PPP4R3A: variants seen among roughly 807,000 people sequenced by gnomAD.
The protein encoded by PPP4R3A is serine/threonine-protein phosphatase 4 regulatory subunit 3A.
Under a neutral mutation model 91.7 loss-of-function variants are expected in PPP4R3A, and 15 were observed. The observed-to-expected ratio is 0.16, with a 90% CI of 0.11 to 0.25. The LOEUF is 0.25. Among genes scored for constraint, PPP4R3A ranks in the 10% least tolerant of loss-of-function variants. The pLI, the probability that PPP4R3A is intolerant of heterozygous loss-of-function variation, is 1.00. For synonymous variants in PPP4R3A, 377 were observed against 348.7 expected (o/e 1.08, Z -0.91); for missense variants, 623 against 998.4 (o/e 0.62, Z 5.07).
intron 1 of PPP4R3A, among the ~76,000 whole-genome samples, chr14:91,505,279 C>T (rs1029877216): frequency 3.3e-5 from 5 of 152,040 alleles, no homozygotes; most frequent in African/African-American, 7.2e-5. Flanking sequence ...ATGGTGAAAC[C>T]GTGTCCCTAC....
At position 91,493,360 on chromosome 14, in the gene PPP4R3A, T is replaced by C. The variant is rs183984516; in HGVS notation, c.143-2558A>G. Among the ~76,000 whole-genome samples the C allele has an allele frequency of 1.1e-4, 16 of 148,922 alleles. 1 individual carries two copies. The highest frequency in any genetic ancestry group is 4.6e-4 in the Admixed American group (7 of 15,064). The stretch of plus-strand genomic sequence containing the variant: ...GAAAAAATAAATTAGCTGGATGAGG[T>C]AGGGCATGCCTATAATTCTAGCTAC... On this transcript the variant is annotated intron_variant, in intron 1 of 14. Transcript: ENST00000554943.
Position 91,470,976 on chromosome 14 carries a change from T to C in PPP4R3A, c.1521A>G (p.Gln507=), listed in dbSNP as rs1457624296. The C allele has an allele frequency of 1.3e-6, 2 of 1,595,622 alleles. No individual in the cohort carries two copies. The highest frequency in any genetic ancestry group is 1.7e-6 in the Non-Finnish European group (2 of 1,175,762). The change falls in exon 10 of 15, where the codon CAA becomes CAG. Residue 507 remains glutamine (Q), a synonymous_variant. Transcript: ENST00000554943. ...ACAATTCCAATACAAGTGCCAATAG[T>C]TGGGCAGTCTGAAAATCATCTAAAA... ...KPSKDDFQTA[Q]LLALVLELLT...
In PPP4R3A at chr14:91,476,506, A is replaced by G. The variant is rs746918216; in HGVS notation, c.1012T>C (p.Phe338Leu). ...RQELVNFLKE[F>L]CAFSQTLQPQ... Reference sequence around the variant, plus strand: ...TGTAGCGTTTGGGAAAACGCACAAAATTCTTTTAAAAAGTTAACCTGAAAT... The same window carrying G: ...TGTAGCGTTTGGGAAAACGCACAAAGTTCTTTTAAAAAGTTAACCTGAAAT... The change falls in exon 6 of 15, where the codon TTT becomes CTT. Residue 338 changes from phenylalanine (F) to leucine (L), a missense_variant. Transcript: ENST00000554943. 6.9e-6 allele frequency: 11 copies of G among 1,593,332 alleles called. No homozygotes were observed. The highest frequency in any genetic ancestry group is 8.5e-6 in the Non-Finnish European group (10 of 1,173,896).
chr14:91,497,749 G>C (rs1256622848), intron 1 of PPP4R3A, among the ~76,000 whole-genome samples: 1 of 152,090 alleles, frequency 6.6e-6, no homozygotes, highest in Non-Finnish European at 1.5e-5. Flanking sequence ...TATTCTTCTA[G>C]GAAATTACCC....
intron 1 of PPP4R3A, among the ~76,000 whole-genome samples, chr14:91,499,020 C>G (rs1309317257): frequency 1.3e-5 from 2 of 151,636 alleles, no homozygotes; most frequent in Admixed American, 6.6e-5. Flanking sequence ...CTCTTGATCT[C>G]ATGATCTGCC....
intron 10 of PPP4R3A, among the ~76,000 whole-genome samples, chr14:91,466,600 T>C (rs967391178): frequency 3.3e-5 from 5 of 152,214 alleles, no homozygotes; most frequent in Non-Finnish European, 7.3e-5. Context: ...GTTTATAGAA[T>C]AATAATTGCA....
Position 91,485,742 on chromosome 14 carries a change from TA to T in PPP4R3A, c.199-13del. 1 of 1,569,282 alleles carries T rather than the reference TA, an allele frequency of 6.4e-7. No individual in the cohort carries two copies. The highest frequency in any genetic ancestry group is 8.7e-7 in the Non-Finnish European group (1 of 1,153,954). Reference sequence around the variant, plus strand: ...ACAATCAGAGTGTCCTTTGGAGACATAAAAGGAGTCTGAATGATTAACATAC... The same window carrying T: ...ACAATCAGAGTGTCCTTTGGAGACATAAAGGAGTCTGAATGATTAACATAC... On this transcript the variant is annotated splice_polypyrimidine_tract_variant and intron_variant, in intron 2 of 14. Coordinates refer to ENST00000554943, the MANE Select transcript of PPP4R3A (RefSeq NM_001366432.2).
chr14:91,462,372 A>T, intron 12 of PPP4R3A, 133 bp from the exon 13 acceptor site: 4 of 944,488 alleles, frequency 4.2e-6, no homozygotes, highest in Non-Finnish European at 5.8e-6. Flanking sequence ...ATGTAAATCC[A>T]GGTATTTAGA....
At chr14:91,489,748 TAA>T (rs1890124411) in intron 2 of PPP4R3A, among the ~76,000 whole-genome samples, 1 of 152,222 alleles carries the variant, frequency 6.6e-6, no homozygotes. Context: ...CCATTAAACT[TAA>T]GTTTTCTTAA....
intron 1 of PPP4R3A, among the ~76,000 whole-genome samples, chr14:91,494,018 C>G (rs1369661702): frequency 6.9e-6 from 1 of 144,488 alleles, no homozygotes; most frequent in Non-Finnish European, 1.5e-5. Context: ...CCCGCCTCGG[C>G]AGGCAGGTGG....
At chr14:91,468,764 A>G (rs1888651747) in intron 10 of PPP4R3A, among the ~76,000 whole-genome samples, 1 of 151,364 alleles carries the variant, frequency 6.6e-6, no homozygotes, top group African/African-American at 2.4e-5. Context: ...TTAACATCTT[A>G]ACTATGTATT....
intron 1 of PPP4R3A, among the ~76,000 whole-genome samples, chr14:91,507,934 C>T (rs898794100): frequency 1.2e-4 from 18 of 151,798 alleles, no homozygotes; most frequent in African/African-American, 3.1e-4. Context: ...CCAGCCTTGG[C>T]AACAGGGCAA....
rs929898047 is a variant in PPP4R3A, at chr14:91,457,676, C to T, written c.*1083G>A. 6.6e-6 allele frequency: 1 copy of T among 152,540 alleles called. No homozygotes were observed. The allele number at this position is 152,540 out of a possible 1,614,324, so 9.4% of individuals were successfully genotyped here. A position where few individuals can be genotyped will look rare whatever the true frequency, so the allele number is the denominator to read the frequency against. On this transcript the variant is annotated 3_prime_UTR_variant, in exon 15 of 15. Transcript: ENST00000554943. Reference sequence around the variant, plus strand: ...CAAATGTTTTTAAATCATCCATCCTCAATTTTGATTTAATGTACCGTCATT... The same window carrying T: ...CAAATGTTTTTAAATCATCCATCCTTAATTTTGATTTAATGTACCGTCATT...
At chr14:91,466,141 T>C (rs946056552) in intron 10 of PPP4R3A, 1 of 715,872 alleles carries the variant, frequency 1.4e-6, no homozygotes, top group Non-Finnish European at 1.7e-6. Context: ...TAAGTCACCA[T>C]TCATCAAGAC....
At chr14:91,460,603 C>CATGT (rs1364008119) in intron 14 of PPP4R3A, among the ~76,000 whole-genome samples, 1 of 147,860 alleles carries the variant, frequency 6.8e-6, no homozygotes, top group African/African-American at 2.5e-5. Flanking sequence ...TCTGAGATTG[C>CATGT]ATGTTTTCTA....
chr14:91,490,687 T>TTTACTC, intron 2 of PPP4R3A, 60 bp downstream of exon 2: 1 of 1,367,104 alleles, frequency 7.3e-7, no homozygotes, highest in South Asian at 1.2e-5. Context: ...AATCAGATAA[T>TTTACTC]AAACTTTCAT....
At chr14:91,467,206 C>T (rs185523341) in intron 10 of PPP4R3A, among the ~76,000 whole-genome samples, 1 of 152,234 alleles carries the variant, frequency 6.6e-6, no homozygotes, top group Non-Finnish European at 1.5e-5. Context: ...TTAAAAGAAA[C>T]CTGCATCAAA....
At position 91,494,275 on chromosome 14, in the gene PPP4R3A, G is replaced by A. The variant is rs536828643; in HGVS notation, c.143-3473C>T. Among the ~76,000 whole-genome samples the A allele has an allele frequency of 2.0e-5, 3 of 152,204 alleles. No individual in the cohort carries two copies. In the South Asian group the frequency reaches 6.2e-4, roughly 32 times the overall value. ...AAACGCTTCTCTAAAAGTTAAAACTGCACAAAAGTACAACCTATATAAAAG... is the reference window on the plus strand; with the variant it reads ...AAACGCTTCTCTAAAAGTTAAAACTACACAAAAGTACAACCTATATAAAAG... On this transcript the variant is annotated intron_variant, in intron 1 of 14. Transcript: ENST00000554943.
intron 9 of PPP4R3A, 69 bp downstream of exon 9, chr14:91,472,964 G>T: frequency 6.9e-7 from 1 of 1,452,670 alleles, no homozygotes; most frequent in South Asian, 1.2e-5. Context: ...TAAAAAGACT[G>T]ACTTAACACC....
Sources: allele counts gnomAD v4.1 joint callset (sites outside exome capture counted in the v4.1 genomes callset), GRCh38; gene constraint gnomAD v4.1.1; transcripts MANE v1.5; gene names NCBI Gene and HGNC (gene_info 2026-07-23, HGNC 2026-07-21).